The following VPS54 variants were observed in gnomAD, a reference collection of about 807,000 sequenced individuals.
VPS54 encodes the protein vacuolar protein sorting-associated protein 54.
In VPS54, 45 loss-of-function variants were observed where a neutral mutation model predicts 121.5. That is an observed-to-expected ratio of 0.37 (90% confidence interval 0.29 to 0.47). VPS54 has a LOEUF of 0.47. Ranked by LOEUF, VPS54 falls within the 20% of genes least tolerant of loss-of-function variation. The pLI is 0.99. For synonymous variants in VPS54, 371 were observed against 385.8 expected, an observed-to-expected ratio of 0.96 and a Z score of 0.45; for missense variants, 1,090 against 1,131.4, an observed-to-expected ratio of 0.96 and a Z score of 0.52.
chr2:63,897,443 T>G (rs539430102), intron 22 of VPS54, 53 bp downstream of exon 22: 1 of 1,238,452 alleles, frequency 8.1e-7, no homozygotes, highest in African/African-American at 1.5e-5. Flanking sequence ...TCAAAACTGA[T>G]CATTAAAACA....
chr2:63,926,510 C>T (rs979955883), intron 12 of VPS54, among the ~76,000 whole-genome samples: 10 of 152,116 alleles, frequency 6.6e-5, no homozygotes, highest in African/African-American at 1.7e-4. Context: ...CTGAGCTGAC[C>T]GGTCGCTCCC....
intron 20 of VPS54, among the ~76,000 whole-genome samples, chr2:63,899,837 A>T (rs1272356234): frequency 6.6e-6 from 1 of 152,206 alleles, no homozygotes; most frequent in Non-Finnish European, 1.5e-5. Flanking sequence ...CTTAGAACAG[A>T]CTGCTGGGTT....
At chr2:64,014,687 G>A (rs1040576931) in intron 1 of VPS54, among the ~76,000 whole-genome samples, 20 of 105,366 alleles carry the variant, frequency 1.9e-4, no homozygotes, top group African/African-American at 4.2e-4. Context: ...CTTCTGAAGC[G>A]AATAACTCTT....
intron 1 of VPS54, among the ~76,000 whole-genome samples, chr2:63,997,388 G>A (rs1214278531): frequency 6.6e-6 from 1 of 152,098 alleles, no homozygotes; most frequent in Non-Finnish European, 1.5e-5. Context: ...CTTGTTATTG[G>A]TCTGTTCACA....
At chr2:63,978,908 C>T (rs759733049) in intron 3 of VPS54, among the ~76,000 whole-genome samples, 1 of 152,178 alleles carries the variant, frequency 6.6e-6, no homozygotes, top group Non-Finnish European at 1.5e-5. Context: ...GCGTGAGCCA[C>T]CATGCCCAGC....
Position 63,944,384 on chromosome 2 carries a change from T to G in VPS54, c.1301+216A>C, listed in dbSNP as rs182272658. Among the ~76,000 whole-genome samples the G allele has an allele frequency of 1.8e-4, 28 of 152,312 alleles. No homozygotes were observed. The East Asian group carries it at 5.2e-3, about 28-fold the overall frequency. ...TCAAGGGTTGCCTCAGGGTGACTGC[T>G]TCCCTCTACTCAAGGTCACAGCTTT... On this transcript the variant is annotated intron_variant, in intron 10 of 22. Transcript: ENST00000272322.
At chr2:64,018,681 T>C (rs563105312) in intron 1 of VPS54, among the ~76,000 whole-genome samples, 2 of 150,770 alleles carry the variant, frequency 1.3e-5, no homozygotes, top group Admixed American at 6.6e-5. Context: ...AGAGCGGCGT[T>C]TGCGGTCGCT....
chr2:63,973,537 CTTTG>C (rs1049479905), intron 3 of VPS54, among the ~76,000 whole-genome samples: 57 of 151,964 alleles, frequency 3.8e-4, no homozygotes, highest in African/African-American at 1.3e-3. Flanking sequence ...GTTTTAACTC[CTTTG>C]TTTATTTTTG....
intron 12 of VPS54, among the ~76,000 whole-genome samples, chr2:63,931,527 C>T (rs138691333): frequency 3.3e-5 from 5 of 152,202 alleles, no homozygotes; most frequent in East Asian, 1.9e-4. Flanking sequence ...AAGACTTAAA[C>T]GTAAGACCTA....
intron 1 of VPS54, among the ~76,000 whole-genome samples, chr2:64,013,719 G>T (rs554161245): frequency 1.4e-5 from 2 of 144,436 alleles, no homozygotes; most frequent in Non-Finnish European, 1.5e-5. Flanking sequence ...ATATCATATA[G>T]AGAGATATAT....
intron 1 of VPS54, among the ~76,000 whole-genome samples, chr2:63,984,226 C>G (rs1474343991): frequency 1.3e-5 from 2 of 152,196 alleles, no homozygotes; most frequent in African/African-American, 4.8e-5. Flanking sequence ...AAAAGTGAAA[C>G]ACCCTTAATA....
At chr2:63,899,163 A>G (rs1241623928) in intron 21 of VPS54, among the ~76,000 whole-genome samples, 1 of 152,210 alleles carries the variant, frequency 6.6e-6, no homozygotes, top group Non-Finnish European at 1.5e-5. Context: ...GGCCAACTCT[A>G]ATTTTCCAAG....
chr2:64,006,184 G>T (rs1678145495), intron 1 of VPS54, among the ~76,000 whole-genome samples: 2 of 152,114 alleles, frequency 1.3e-5, no homozygotes, highest in Non-Finnish European at 1.5e-5. Context: ...TCAATAAACT[G>T]CATGACTATT....
At chr2:63,960,859 T>C (rs932581890) in intron 7 of VPS54, among the ~76,000 whole-genome samples, 1 of 152,198 alleles carries the variant, frequency 6.6e-6, no homozygotes, top group Non-Finnish European at 1.5e-5. Flanking sequence ...CAAAAAAACA[T>C]GAATCACCCA....
intron 10 of VPS54, among the ~76,000 whole-genome samples, chr2:63,943,423 A>G (rs957482378): frequency 6.6e-6 from 1 of 152,322 alleles, no homozygotes; most frequent in South Asian, 2.1e-4. Flanking sequence ...CTCCACATCC[A>G]TGGAGCTTCT....
intron 20 of VPS54, among the ~76,000 whole-genome samples, chr2:63,903,567 G>A (rs987576435): frequency 6.6e-6 from 1 of 152,132 alleles, no homozygotes; most frequent in African/African-American, 2.4e-5. Flanking sequence ...AAAAACAGTG[G>A]CAAGGTATCA....
intron 1 of VPS54, among the ~76,000 whole-genome samples, chr2:64,017,437 A>C (rs541318300): frequency 3.9e-4 from 59 of 152,318 alleles, no homozygotes; most frequent in African/African-American, 1.4e-3. Flanking sequence ...TTTAATTCTG[A>C]CACAAAAAAT....
intron 6 of VPS54, among the ~76,000 whole-genome samples, chr2:63,965,455 A>C (rs1210554999): frequency 6.6e-6 from 1 of 152,224 alleles, no homozygotes; most frequent in Non-Finnish European, 1.5e-5. Context: ...CAGCCTGGGC[A>C]ACAGAGCGAG....
chr2:63,942,201 C>T (rs1361097837), intron 11 of VPS54, among the ~76,000 whole-genome samples: 5 of 151,706 alleles, frequency 3.3e-5, no homozygotes, highest in South Asian at 2.1e-4. Flanking sequence ...CAAAAAATCA[C>T]GAGAGGAAAT....
Sources: allele counts gnomAD v4.1 joint callset (sites outside exome capture counted in the v4.1 genomes callset), GRCh38; gene constraint gnomAD v4.1.1; transcripts MANE v1.5; gene names NCBI Gene and HGNC (gene_info 2026-07-23, HGNC 2026-07-21).